The following APBA1 variants were observed in gnomAD, a reference collection of about 807,000 sequenced individuals.
APBA1 encodes the protein amyloid-beta A4 precursor protein-binding family A member 1.
Under a neutral mutation model 86.6 loss-of-function variants are expected in APBA1, and 55 were observed. The ratio of observed to expected loss-of-function variants is 0.64; its 90% CI spans 0.51 to 0.80. APBA1 has a LOEUF of 0.80. Among genes scored for constraint, APBA1 ranks in the 30% least tolerant of loss-of-function variants. The pLI is 0.00. For synonymous variants in APBA1, 511 were observed against 493.9 expected (o/e 1.03, Z -0.46); for missense variants, 1,090 against 1,183.0 (o/e 0.92, Z 1.15).
At chr9:69,456,477 A>G (rs757011030) in intron 7 of APBA1, 45 bp from the exon 8 acceptor site, 2 of 1,526,476 alleles carry the variant, frequency 1.3e-6, no homozygotes. Context: ...TCAGCATCTA[A>G]TGACCTAAGA....
At chr9:69,460,292 A>C (rs2133819752) in intron 5 of APBA1, among the ~76,000 whole-genome samples, 1 of 152,190 alleles carries the variant, frequency 6.6e-6, no homozygotes. Flanking sequence ...AAAAAGTTTG[A>C]AGGTAGCAAC....
intron 1 of APBA1, among the ~76,000 whole-genome samples, chr9:69,522,339 C>T (rs867313158): frequency 2.0e-4 from 28 of 141,520 alleles, no homozygotes; most frequent in African/African-American, 6.5e-4. Flanking sequence ...TTATAGACTT[C>T]TAGACATTGG....
At chr9:69,455,306 T>C (rs1300436979) in intron 8 of APBA1, among the ~76,000 whole-genome samples, 3 of 151,532 alleles carry the variant, frequency 2.0e-5, no homozygotes, top group African/African-American at 7.3e-5. Context: ...AGGGGGTGGG[T>C]GAGTTTTCTG....
intron 1 of APBA1, among the ~76,000 whole-genome samples, chr9:69,536,280 A>C (rs568062988): frequency 1.3e-5 from 2 of 150,920 alleles, no homozygotes; most frequent in Non-Finnish European, 3.0e-5. Flanking sequence ...AAAGCAGTAC[A>C]CATGAAAAAA....
chr9:69,449,524 G>T, intron 10 of APBA1, 60 bp downstream of exon 10: 3 of 1,446,832 alleles, frequency 2.1e-6, no homozygotes, highest in South Asian at 2.4e-5. Flanking sequence ...CTGGATGGGG[G>T]TCACACTTCA....
rs375234032 is a variant in APBA1, at chr9:69,449,723, G to A, written c.2042C>T (p.Pro681Leu). ...CATCATGTTGGCAATGATCACGGTG[G>A]GGAGGATGGATCCCCAGCCAGACTC... is the stretch of plus-strand genomic sequence containing the variant. ...IVESGWGSIL[P>L]TVIIANMMHG... Residue 681 changes from proline (P) to leucine (L), a missense_variant, in exon 10 of 13, where the codon CCC becomes CTC. By Grantham distance (98) the Pro-to-Leu change is moderately conservative. Around this residue, in one of 6 missense-constraint regions of APBA1, gnomAD observed 97 missense variants for 166.8 expected, o/e 0.58. Coordinates refer to ENST00000265381, the MANE Select transcript of APBA1 (RefSeq NM_001163.4). 6.2e-7 allele frequency: 1 copy of A among 1,613,918 alleles called. No individual in the cohort carries two copies. The highest frequency in any genetic ancestry group is 1.3e-5 in the African/African-American group (1 of 74,880).
intron 10 of APBA1, among the ~76,000 whole-genome samples, chr9:69,441,970 A>G (rs1289468259): frequency 6.6e-6 from 1 of 152,194 alleles, no homozygotes; most frequent in Admixed American, 6.5e-5. Context: ...CACAGCAGTG[A>G]CAGAAGCCCT....
chr9:69,446,266 G>C (rs936129384), intron 10 of APBA1, among the ~76,000 whole-genome samples: 31 of 152,010 alleles, frequency 2.0e-4, no homozygotes, highest in Non-Finnish European at 7.4e-5. Context: ...CACCAGCCAG[G>C]GTGGTCCACG....
intron 8 of APBA1, 107 bp from the exon 9 acceptor site, chr9:69,452,408 C>A: frequency 1.8e-6 from 2 of 1,107,340 alleles, no homozygotes; most frequent in Non-Finnish European, 2.6e-6. Flanking sequence ...TCTGAGGAAA[C>A]CCTAGACATC....
At chr9:69,448,983 T>C (rs1203285919) in intron 10 of APBA1, among the ~76,000 whole-genome samples, 1 of 152,240 alleles carries the variant, frequency 6.6e-6, no homozygotes, top group Non-Finnish European at 1.5e-5. Context: ...CTTAGCTTTA[T>C]AAGCATCAGT....
chr9:69,609,095 T>C (rs1165460610), intron 1 of APBA1, among the ~76,000 whole-genome samples: 1 of 152,218 alleles, frequency 6.6e-6, no homozygotes, highest in Non-Finnish European at 1.5e-5. Flanking sequence ...ATTCTACTTA[T>C]TCATTAACAC....
intron 10 of APBA1, among the ~76,000 whole-genome samples, chr9:69,444,094 G>A (rs139229517): frequency 0.013 from 1,917 of 151,984 alleles, 38 homozygotes; most frequent in African/African-American, 0.044. Context: ...TGCTCCCCCC[G>A]TGCTCTGAAT....
intron 1 of APBA1, among the ~76,000 whole-genome samples, chr9:69,616,451 G>A (rs550755168): frequency 5.9e-5 from 9 of 152,226 alleles, no homozygotes; most frequent in South Asian, 2.1e-4. Context: ...AAAACCATGC[G>A]AACTGGGATT....
chr9:69,576,398 C>T (rs1248999580), intron 1 of APBA1, among the ~76,000 whole-genome samples: 1 of 152,212 alleles, frequency 6.6e-6, no homozygotes, highest in Non-Finnish European at 1.5e-5. Context: ...TATAAAGACA[C>T]ATGCACACTT....
intron 1 of APBA1, among the ~76,000 whole-genome samples, chr9:69,636,917 AGG>A: frequency 9.2e-5 from 11 of 120,198 alleles, no homozygotes; most frequent in African/African-American, 2.8e-4. Flanking sequence ...GAAGGAAGGA[AGG>A]AAGGAAAGAA....
At chr9:69,475,696 G>A (rs536673328) in intron 3 of APBA1, among the ~76,000 whole-genome samples, 62 of 152,352 alleles carry the variant, frequency 4.1e-4, no homozygotes, top group African/African-American at 1.4e-3. Flanking sequence ...GAGGAAAGAT[G>A]CTGTACGTCG....
intron 1 of APBA1, among the ~76,000 whole-genome samples, chr9:69,577,080 G>A (rs983506473): frequency 2.0e-5 from 3 of 152,150 alleles, no homozygotes; most frequent in Non-Finnish European, 4.4e-5. Context: ...TCAGATCAGG[G>A]TAATTAGCAT....
chr9:69,639,366 G>T (rs1389784963), intron 1 of APBA1, among the ~76,000 whole-genome samples: 1 of 152,148 alleles, frequency 6.6e-6, no homozygotes, highest in Non-Finnish European at 1.5e-5. Flanking sequence ...CCAATAGATT[G>T]AGGTCATTAA....
At position 69,516,066 on chromosome 9, in the gene APBA1, C is replaced by T. The variant is rs2133888542; in HGVS notation, c.1145G>A (p.Arg382His). ...DEPKEPIWVM[R>H]QDISPTRDCD... ...GTCCCTGGTGGGGCTAATGTCCTGGCGCATGACCCAGATGGGCTCTTTGGG... is the reference window on the plus strand; with the variant it reads ...GTCCCTGGTGGGGCTAATGTCCTGGTGCATGACCCAGATGGGCTCTTTGGG... The change falls in exon 2 of 13, where the codon CGC becomes CAC. Residue 382 changes from arginine (R) to histidine (H), a missense_variant. This residue lies in a region of APBA1 where 678 missense variants were observed against 647.1 expected (regional missense o/e 1.05). Coordinates refer to ENST00000265381, the MANE Select transcript of APBA1 (RefSeq NM_001163.4). The surrounding 1 kb of genome is among the most constrained non-coding windows in gnomAD (Gnocchi z 7.3). 2 of 1,612,140 alleles carry T rather than the reference C, an allele frequency of 1.2e-6. No homozygotes were observed. The highest frequency in any genetic ancestry group is 1.1e-5 in the South Asian group (1 of 90,956).
Sources: gnomAD v4.1 joint callset for allele counts (sites outside exome capture counted in the v4.1 genomes callset) on GRCh38, gnomAD v4.1.1 for gene constraint, gnomAD v4.1.1 regional missense constraint, Gnocchi (gnomAD v3.1) non-coding constraint, MANE v1.5 for transcripts, NCBI Gene and HGNC (gene_info 2026-07-23, HGNC 2026-07-21) for gene names.